ARSL: variants seen among roughly 807,000 people sequenced by gnomAD.
ARSL encodes arylsulfatase E (chondrodysplasia punctata 1).
A neutral mutation model predicts 31.1 loss-of-function variants in ARSL; 4 were observed. The observed-to-expected ratio is 0.13, with a 90% CI of 0.06 to 0.29. The LOEUF is 0.29. Among genes scored for constraint, ARSL ranks in the 10% least tolerant of loss-of-function variants. The pLI is 1.00. For synonymous variants in ARSL, 198 were observed against 209.9 expected (o/e 0.94, Z 0.49); for missense variants, 312 against 497.8 (o/e 0.63, Z 3.55).
At chrX:2,953,927 C>G (rs746992497) in intron 4 of ARSL, among the ~76,000 whole-genome samples, 1 of 110,451 alleles carries the variant, frequency 9.1e-6, no homozygotes, top group African/African-American at 3.3e-5. Flanking sequence ...CACTATGTTG[C>G]CCAGGCTGGT....
intron 5 of ARSL, chrX:2,952,718 G>C (rs1341657672): frequency 8.0e-6 from 1 of 124,895 alleles, no homozygotes; most frequent in African/African-American, 3.2e-5. Context: ...CATGTGAAGG[G>C]TGGGAGAGGA....
upstream of ARSL, among the ~76,000 whole-genome samples, chrX:2,967,507 G>A (rs1470307329): frequency 9.0e-6 from 1 of 111,691 alleles, no homozygotes; most frequent in African/African-American, 3.3e-5. Flanking sequence ...TGGCCTTTGG[G>A]AGGCCGAGAT....
chrX:2,942,480 C>T (rs144718472), intron 8 of ARSL, among the ~76,000 whole-genome samples: 5,025 of 110,361 alleles, frequency 0.046, 267 homozygotes, highest in African/African-American at 0.14. Context: ...TTAGTAGAGG[C>T]GAGGTTTCAC....
At position 2,958,356 on chromosome X, in the gene ARSL, C is replaced by T. The variant is rs146065319; in HGVS notation, c.103G>A (p.Ala35Thr). 335 of 1,210,287 alleles carry T rather than the reference C, an allele frequency of 2.8e-4. 1 individual carries two copies. In the African/African-American group the frequency reaches 4.9e-3, roughly 18 times the overall value. Residue 35 changes from alanine to threonine, a missense_variant, in exon 3 of 11, where the codon GCC becomes ACC. By Grantham distance (58) the Ala-to-Thr change is moderately conservative. Coordinates refer to ENST00000381134, the MANE Select transcript of ARSL (RefSeq NM_000047.3). Reference sequence around the variant, plus strand: ...AGAAGAAGGATGTTCGGTCGGGAGGCGGAAATGTCGCTGGAAGCTGATGGT... The same window carrying T: ...AGAAGAAGGATGTTCGGTCGGGAGGTGGAAATGTCGCTGGAAGCTGATGGT... ...LAPSASSDIS[A>T]SRPNILLLMA...
At chrX:2,957,028 T>C (rs185908354) in intron 3 of ARSL, among the ~76,000 whole-genome samples, 1,895 of 105,760 alleles carry the variant, frequency 0.018, 47 homozygotes, top group African/African-American at 0.062. Context: ...GAGACCATCC[T>C]GGCTAACATG....
At position 2,945,885 on chromosome X, in the gene ARSL, G is replaced by A. The variant is rs2089371810; in HGVS notation, c.991+113C>T. ...TATTTTGCACTCTTAAAATCCAATC[G>A]CACTGCAATCGCTATTCTGCATCTT... On this transcript the variant is annotated intron_variant, in intron 7 of 10. Transcript: ENST00000381134. 9 of 1,020,526 alleles carry A rather than the reference G, an allele frequency of 8.8e-6. No individual in the cohort carries two copies. The East Asian group carries it at 1.5e-4, about 18-fold the overall frequency. 84.1% of individuals were successfully genotyped at this position (1,020,526 alleles called of 1,213,427 possible). A position where few individuals can be genotyped will look rare whatever the true frequency, so the allele number is the denominator to read the frequency against.
intron 5 of ARSL, 39 bp downstream of exon 5, chrX:2,953,104 T>A: frequency 8.4e-7 from 1 of 1,197,301 alleles, no homozygotes; most frequent in Non-Finnish European, 1.1e-6. Flanking sequence ...CCCTTCCATA[T>A]AAAAGTCATG....
intron 7 of ARSL, among the ~76,000 whole-genome samples, chrX:2,944,668 C>G (rs1054654456): frequency 2.7e-5 from 3 of 109,217 alleles, no homozygotes; most frequent in Non-Finnish European, 5.7e-5. Context: ...CCTGCGGTTC[C>G]TAAGTTCTTT....
rs2089207331 is a variant in ARSL at position 2,936,763 on chromosome X, C to A, written c.1390G>T (p.Ala464Ser). Residue 464 changes from alanine to serine, a missense_variant, in exon 10 of 11, where the codon GCC (alanine) becomes TCC (serine). Coordinates refer to ENST00000381134, the MANE Select transcript of ARSL (RefSeq NM_000047.3). ...MHYCERFLHA[A>S]RWHQRDRGTM... Reference sequence around the variant, plus strand: ...TCACTGTCCCGTTGATGCCACCTGGCTGCGTGCAGAAACCTCTCACAATAA... The same window carrying A: ...TCACTGTCCCGTTGATGCCACCTGGATGCGTGCAGAAACCTCTCACAATAA... 1 of 1,209,556 alleles carries A rather than the reference C, an allele frequency of 8.3e-7. No homozygotes were observed. Among genetic ancestry groups the A allele is most frequent in the Non-Finnish European group, 1.1e-6 (1 of 895,062 alleles).
intron 8 of ARSL, among the ~76,000 whole-genome samples, chrX:2,938,460 A>AT (rs1415861072): frequency 1.2e-4 from 13 of 111,628 alleles, no homozygotes; most frequent in African/African-American, 4.2e-4. Flanking sequence ...TTGATTTTAT[A>AT]TTTTTTATTA....
chrX:2,936,794 C>G lies in ARSL; in HGVS notation c.1359G>C (p.Leu453=), dbSNP rs538693483. The G allele has an allele frequency of 1.7e-6, 2 of 1,209,822 alleles. No homozygotes were observed. Among genetic ancestry groups the G allele is most frequent in the African/African-American group, 3.5e-5 (2 of 57,212 alleles). ...GCAGAAACCTCTCACAATAATGCAT[C>G]AGGAACTCGTGGTCTGAGTGTTGGG... ...GTAQHSDHEF[L]MHYCERFLHA... Residue 453 remains leucine (L), a synonymous_variant, in exon 10 of 11, where the codon CTG becomes CTC. Coordinates refer to ENST00000381134, the MANE Select transcript of ARSL (RefSeq NM_000047.3).
At chrX:2,953,850 C>G (rs1169110925) in intron 4 of ARSL, among the ~76,000 whole-genome samples, 1 of 110,922 alleles carries the variant, frequency 9.0e-6, no homozygotes, top group East Asian at 2.8e-4. Flanking sequence ...TCTCAAGTAG[C>G]TGGGACTATA....
chrX:2,959,951 G>A (rs1199942779), intron 2 of ARSL: 2 of 219,379 alleles, frequency 9.1e-6, no homozygotes, highest in Non-Finnish European at 1.6e-5. Flanking sequence ...GAGAAAGAAA[G>A]AAAGAAAGAA....
intron 4 of ARSL, among the ~76,000 whole-genome samples, chrX:2,954,304 T>A (rs1036744080): frequency 3.6e-5 from 4 of 111,240 alleles, no homozygotes; most frequent in Non-Finnish European, 5.7e-5. Context: ...TTTGTTTGTT[T>A]GTTTGTTTTG....
intron 5 of ARSL, among the ~76,000 whole-genome samples, chrX:2,950,151 C>G (rs1023423227): frequency 8.1e-5 from 9 of 111,509 alleles, no homozygotes; most frequent in African/African-American, 1.6e-4. Flanking sequence ...CCGCATCACT[C>G]CAGTCTCCAT....
chrX:2,942,306 T>G (rs1248753015), intron 8 of ARSL, among the ~76,000 whole-genome samples: 1 of 111,227 alleles, frequency 9.0e-6, no homozygotes, highest in Non-Finnish European at 1.9e-5. Flanking sequence ...TTATTTTTGT[T>G]GTTGAGATGG....
upstream of ARSL, chrX:2,968,212 A>T: frequency 8.7e-7 from 1 of 1,144,076 alleles, no homozygotes; most frequent in Non-Finnish European, 1.2e-6. Context: ...TCCTTGGAAG[A>T]AACGTCTTCT....
intron 8 of ARSL, 41 bp downstream of exon 8, chrX:2,943,024 T>G: frequency 8.3e-7 from 1 of 1,206,948 alleles, no homozygotes; most frequent in East Asian, 3.0e-5. Context: ...AGGGAAGAGA[T>G]AAACTTGCAA....
rs1242173848 is a variant in ARSL at position 2,953,070 on chromosome X, T to C, written c.430+73A>G. On this transcript the variant is annotated intron_variant, in intron 5 of 10. Transcript: ENST00000381134. ...TCCCACAGCACCTCACCCACTTTCCTTTCCAAACTCTTTAGCTGAATGTCC... is the reference window on the plus strand; with the variant it reads ...TCCCACAGCACCTCACCCACTTTCCCTTCCAAACTCTTTAGCTGAATGTCC... 6 of 1,153,784 alleles carry C rather than the reference T, an allele frequency of 5.2e-6. No homozygotes were observed. The African/African-American group carries it at 1.1e-4, about 21-fold the overall frequency.
Sources: gnomAD v4.1 joint callset for allele counts (sites outside exome capture counted in the v4.1 genomes callset) on GRCh38, gnomAD v4.1.1 for gene constraint, MANE v1.5 for transcripts, NCBI Gene and HGNC (gene_info 2026-07-23, HGNC 2026-07-21) for gene names.